EXOC4: variants seen among roughly 807,000 people sequenced by gnomAD.
EXOC4 encodes the protein exocyst complex component 4, also known as SEC8-like 1.
EXOC4 carries 71 observed loss-of-function variants against 107.2 expected under a neutral mutation model. The observed-to-expected ratio is 0.66, with a 90% CI of 0.55 to 0.81. The LOEUF (loss-of-function observed/expected upper bound fraction) is 0.81. Among genes scored for constraint, EXOC4 ranks in the 30% least tolerant of loss-of-function variants. The probability of loss-of-function intolerance (pLI) is 0.00; values close to 1 mark genes in which losing one functional copy is unlikely to be tolerated. For missense variants in EXOC4, 1,108 were observed against 1,189.6 expected, an observed-to-expected ratio of 0.93 and a Z score of 1.01; for synonymous variants, 456 against 441.2, an observed-to-expected ratio of 1.03 and a Z score of -0.42.
chr7:133,825,484 A>G (rs756630659), intron 11 of EXOC4, among the ~76,000 whole-genome samples: 9 of 152,168 alleles, frequency 5.9e-5, no homozygotes, highest in Non-Finnish European at 1.0e-4. Context: ...TGATTGCTGG[A>G]GCTCTTACTG....
chr7:134,068,645 C>G (rs1365331465), downstream of EXOC4, among the ~76,000 whole-genome samples: 2 of 152,206 alleles, frequency 1.3e-5, no homozygotes, highest in African/African-American at 2.4e-5. Context: ...TACTACTAAT[C>G]TGGTGGGATC....
intron 10 of EXOC4, among the ~76,000 whole-genome samples, chr7:133,645,086 CT>C (rs35058872): frequency 5.6e-5 from 7 of 123,970 alleles, no homozygotes; most frequent in African/African-American, 1.2e-4. Flanking sequence ...CTTCTGCCAC[CT>C]TTTTTTTTTT....
intron 7 of EXOC4, among the ~76,000 whole-genome samples, chr7:133,450,761 TAATA>T (rs745809830): frequency 2.0e-5 from 3 of 152,246 alleles, no homozygotes; most frequent in Non-Finnish European, 4.4e-5. Flanking sequence ...ACACATAAAA[TAATA>T]AATGAATTAC....
chr7:134,067,311 C>T (rs1002567411), downstream of EXOC4, among the ~76,000 whole-genome samples: 1 of 151,950 alleles, frequency 6.6e-6, no homozygotes, highest in Non-Finnish European at 1.5e-5. Flanking sequence ...TGGAGTAGGC[C>T]CACGGGAGTA....
At chr7:134,055,438 C>T (rs991844989) in intron 17 of EXOC4, among the ~76,000 whole-genome samples, 8 of 152,216 alleles carry the variant, frequency 5.3e-5, no homozygotes, top group African/African-American at 1.9e-4. Flanking sequence ...TTGGCACCTG[C>T]CAGAATCAAC....
chr7:133,808,243 G>A (rs1797126352), intron 10 of EXOC4, among the ~76,000 whole-genome samples: 1 of 152,174 alleles, frequency 6.6e-6, no homozygotes. Flanking sequence ...AGCTTGTTGG[G>A]AGAGAACCTC....
At chr7:133,676,767 A>G (rs138198498) in intron 10 of EXOC4, among the ~76,000 whole-genome samples, 49 of 152,152 alleles carry the variant, frequency 3.2e-4, no homozygotes, top group African/African-American at 1.2e-3. Context: ...CCCTTGAGCT[A>G]TTTATTTTCC....
At chr7:133,537,303 C>CT (rs1232835834) in intron 9 of EXOC4, among the ~76,000 whole-genome samples, 1 of 147,622 alleles carries the variant, frequency 6.8e-6, no homozygotes, top group Non-Finnish European at 1.5e-5. Flanking sequence ...GGCACCCCCC[C>CT]CCCCACCACA....
chr7:133,897,615 T>C (rs1428210868), intron 12 of EXOC4, among the ~76,000 whole-genome samples: 1 of 152,030 alleles, frequency 6.6e-6, no homozygotes, highest in African/African-American at 2.4e-5. Flanking sequence ...GCAAAACATA[T>C]CCAGCTGTTA....
intron 13 of EXOC4, among the ~76,000 whole-genome samples, chr7:133,928,174 G>A (rs963723424): frequency 3.3e-5 from 5 of 151,778 alleles, no homozygotes; most frequent in Admixed American, 2.6e-4. Context: ...TTCATTTGAG[G>A]CTTAATGAAA....
chr7:133,389,459 G>A (rs1266250532), intron 7 of EXOC4, among the ~76,000 whole-genome samples: 1 of 151,410 alleles, frequency 6.6e-6, no homozygotes, highest in Non-Finnish European at 1.5e-5. Flanking sequence ...TGTAATCCCA[G>A]CTACTTGGGA....
intron 6 of EXOC4, 61 bp from the exon 7 acceptor site, chr7:133,374,767 T>A: frequency 1.4e-6 from 2 of 1,408,420 alleles, no homozygotes; most frequent in Non-Finnish European, 2.0e-6. Context: ...TGCAGGTCAC[T>A]GTAAGCCATT....
At chr7:133,823,989 C>A (rs1222763139) in intron 11 of EXOC4, among the ~76,000 whole-genome samples, 1 of 138,242 alleles carries the variant, frequency 7.2e-6, no homozygotes, top group Non-Finnish European at 1.5e-5. Context: ...TAAAAGACTG[C>A]TGTGTTGGAT....
chr7:133,999,391 T>C (rs1278254842), intron 15 of EXOC4, among the ~76,000 whole-genome samples: 4 of 152,170 alleles, frequency 2.6e-5, no homozygotes, highest in African/African-American at 9.6e-5. Context: ...CCTTATTGCT[T>C]GTGAGAGCCT....
At chr7:133,992,289 G>GTTTTGT (rs59381151) in intron 14 of EXOC4, among the ~76,000 whole-genome samples, 7 of 152,086 alleles carry the variant, frequency 4.6e-5, no homozygotes, top group East Asian at 3.9e-4. Flanking sequence ...TGTTTTGTTT[G>GTTTTGT]TTTGTTTTTT....
At chr7:133,770,300 C>T (rs1345451141) in intron 10 of EXOC4, among the ~76,000 whole-genome samples, 1 of 151,826 alleles carries the variant, frequency 6.6e-6, no homozygotes, top group Non-Finnish European at 1.5e-5. Flanking sequence ...GCAACTTGCC[C>T]ATTAGCCTAC....
At chr7:133,992,690 C>A (rs1463946890) in intron 14 of EXOC4, among the ~76,000 whole-genome samples, 1 of 150,392 alleles carries the variant, frequency 6.6e-6, no homozygotes. Context: ...AAGATCATGT[C>A]ATCTGCAAAC....
intron 9 of EXOC4, among the ~76,000 whole-genome samples, chr7:133,523,232 C>T (rs976704549): frequency 6.6e-6 from 1 of 152,074 alleles, no homozygotes; most frequent in African/African-American, 2.4e-5. Flanking sequence ...AGATAACCAG[C>T]TAGTTCTGTT....
intron 10 of EXOC4, among the ~76,000 whole-genome samples, chr7:133,652,779 CA>C (rs1397411071): frequency 6.6e-6 from 1 of 152,176 alleles, no homozygotes; most frequent in Non-Finnish European, 1.5e-5. Context: ...TTCTACATTC[CA>C]AACTCTCATC....
Sources: gnomAD v4.1 joint callset for allele counts (sites outside exome capture counted in the v4.1 genomes callset) on GRCh38, gnomAD v4.1.1 for gene constraint, MANE v1.5 for transcripts, NCBI Gene and HGNC (gene_info 2026-07-23, HGNC 2026-07-21) for gene names.